GRM4: variants seen among roughly 807,000 people sequenced by gnomAD.
GRM4 encodes metabotropic glutamate receptor 4.
In GRM4, 28 loss-of-function variants were observed where a neutral mutation model predicts 81.7. The ratio of observed to expected loss-of-function variants is 0.34; its 90% confidence interval spans 0.25 to 0.47. The LOEUF (loss-of-function observed/expected upper bound fraction) is 0.47, where lower values mean the gene tolerates loss of function less well. GRM4 is among the 20% of genes least tolerant of loss of function. GRM4 has a pLI of 1.00. For synonymous variants in GRM4, 488 were observed against 528.8 expected (o/e 0.92, Z 1.06); for missense variants, 948 against 1,290.0 (o/e 0.73, Z 4.06).
chr6:34,050,651 TAGC>T lies in GRM4; in HGVS notation c.1168+5890_1168+5892del, dbSNP rs139508317. 1.0e-3 allele frequency among the ~76,000 whole-genome samples: 155 copies of T among 152,332 alleles called. 2 individuals carry two copies. In the East Asian group the frequency reaches 0.022, roughly 21 times the overall value. ...TTCCTTTATAGCAGTGCAAACAGAC[TAGC>T]ACACACCTTCTCACTGAGAACTTCT... On this transcript the variant is annotated intron_variant, in intron 6 of 10. Coordinates refer to ENST00000538487, the MANE Select transcript of GRM4 (RefSeq NM_000841.4).
chr6:34,142,519 T>G (rs947166867), intron 1 of GRM4, among the ~76,000 whole-genome samples: 6 of 152,164 alleles, frequency 3.9e-5, no homozygotes, highest in African/African-American at 1.4e-4. Context: ...TGGGTTCTGC[T>G]CCCATCTTTT....
chr6:34,149,263 A>G (rs1771000653), upstream of GRM4, among the ~76,000 whole-genome samples: 1 of 152,246 alleles, frequency 6.6e-6, no homozygotes, highest in Admixed American at 6.5e-5. Context: ...GAGCAGACCC[A>G]GAACACCTGA....
chr6:34,075,530 G>A (rs1026219211), intron 3 of GRM4, among the ~76,000 whole-genome samples: 4 of 152,112 alleles, frequency 2.6e-5, no homozygotes, highest in Admixed American at 6.5e-5. Context: ...GAAGCTCATC[G>A]TGCCCGTCTG....
chr6:34,148,798 G>A (rs1455734799), upstream of GRM4, among the ~76,000 whole-genome samples: 1 of 152,204 alleles, frequency 6.6e-6, no homozygotes, highest in Non-Finnish European at 1.5e-5. Flanking sequence ...GTCTCCCTAA[G>A]GATGCTGGGA....
chr6:34,155,100 G>A (rs1771122804), exon 1 of GRM4: 1 of 1,526,522 alleles, frequency 6.6e-7, no homozygotes, highest in Non-Finnish European at 8.8e-7. Context: ...CCGGAAGGAG[G>A]CAGCGGGGGC....
exon 1 of GRM4, chr6:34,155,178 G>C: frequency 6.5e-7 from 1 of 1,535,492 alleles, no homozygotes; most frequent in Non-Finnish European, 8.7e-7. Context: ...GCGCGGCCAG[G>C]CTCACCTGCT....
Position 34,036,207 on chromosome 6 carries a change from G to T in GRM4, c.1903C>A (p.Leu635Met). The part of the protein sequence containing the change: ...LSYVLLAGIF[L>M]CYATTFLMIA... The stretch of plus-strand genomic sequence containing the variant: ...ATGAGGAAGGTGGTGGCATAGCACA[G>T]GAAGATGCCTGCCAGCAGCACGTAG... Residue 635 changes from leucine (L) to methionine (M), a missense_variant, in exon 9 of 11, where the codon CTG becomes ATG. Leu to Met is a conservative substitution (Grantham distance 15). Coordinates refer to ENST00000538487, the MANE Select transcript of GRM4 (RefSeq NM_000841.4). This position sits in a 1 kb window ranked among gnomAD's most constrained non-coding sequence, Gnocchi z 9.0. 1 of 1,614,188 alleles carries T rather than the reference G, an allele frequency of 6.2e-7. No homozygotes were observed. Among genetic ancestry groups the T allele is most frequent in the Non-Finnish European group, 8.5e-7 (1 of 1,180,008 alleles).
intron 2 of GRM4, among the ~76,000 whole-genome samples, chr6:34,094,440 G>A (rs1768404566): frequency 6.6e-6 from 1 of 152,168 alleles, no homozygotes. Context: ...AGAACACTTG[G>A]CATAAAAACA....
chr6:34,059,427 T>C lies in GRM4; in HGVS notation c.873-299A>G. 2.4e-4 allele frequency: 83 copies of C among 338,994 alleles called. No homozygotes were observed. The highest frequency in any genetic ancestry group is 1.1e-3 in the South Asian group (24 of 21,580). 21.0% of individuals were successfully genotyped at this position (338,994 alleles called of 1,614,324 possible). A position where few individuals can be genotyped will look rare whatever the true frequency, so the allele number is the denominator to read the frequency against. On this transcript the variant is annotated intron_variant, in intron 4 of 10. Transcript: ENST00000538487. This position sits in a 1 kb window ranked among gnomAD's most constrained non-coding sequence, Gnocchi z 5.7. ...CCCTGCAAAGACCACACCTCTCCCC[T>C]CCAGATCCACACCCGCCCCACGTCT...
intron 1 of GRM4, among the ~76,000 whole-genome samples, chr6:34,142,077 T>C (rs1462367427): frequency 6.6e-6 from 1 of 152,156 alleles, no homozygotes; most frequent in Non-Finnish European, 1.5e-5. Context: ...CTTAAGAAAA[T>C]GAGCCCTCTC....
chr6:34,110,460 C>T (rs1287030066), intron 2 of GRM4, among the ~76,000 whole-genome samples: 2 of 151,832 alleles, frequency 1.3e-5, no homozygotes, highest in African/African-American at 2.4e-5. Flanking sequence ...TGGCCTCCAC[C>T]GAGCACCCTA....
Position 34,133,543 on chromosome 6 carries a change from C to T in GRM4, c.-47G>A. 1 of 1,507,170 alleles carries T rather than the reference C, an allele frequency of 6.6e-7. No individual in the cohort carries two copies. Among genetic ancestry groups the T allele is most frequent in the Non-Finnish European group, 8.8e-7 (1 of 1,134,024 alleles). 93.4% of individuals were successfully genotyped at this position (1,507,170 alleles called of 1,614,324 possible). ...ATGAACGGCAGGCCCACTCCTAGCC[C>T]TGGCAGGCCCCTGGCCCCACGGCCT... On this transcript the variant is annotated 5_prime_UTR_variant, in exon 2 of 11. Transcript: ENST00000538487. This position sits in a 1 kb window ranked among gnomAD's most constrained non-coding sequence, Gnocchi z 6.5.
At chr6:34,046,723 C>T (rs191374823) in intron 6 of GRM4, among the ~76,000 whole-genome samples, 208 of 152,302 alleles carry the variant, frequency 1.4e-3, no homozygotes, top group African/African-American at 4.4e-3. Context: ...ATCTGCTAAA[C>T]ATGCACTCAT....
intron 3 of GRM4, among the ~76,000 whole-genome samples, chr6:34,088,856 G>T (rs1310162914): frequency 6.6e-6 from 1 of 152,226 alleles, no homozygotes; most frequent in Non-Finnish European, 1.5e-5. Context: ...ATTGCCCAGA[G>T]CATGTGTAGA....
At position 34,092,950 on chromosome 6, in the gene GRM4, G is replaced by T. The variant is rs918618329; in HGVS notation, c.520-851C>A. On this transcript the variant is annotated intron_variant, in intron 2 of 10. Transcript: ENST00000538487. The surrounding 1 kb of genome is among the most constrained non-coding windows in gnomAD (Gnocchi z 6.8). ...CCTCCTCTCCGCCCCTCCCCTCCAG[G>T]GCGCCACCCACTGCTCTGCTCTCCC... Among the ~76,000 whole-genome samples the T allele has an allele frequency of 6.6e-6, 1 of 152,040 alleles. No individual in the cohort carries two copies. Among genetic ancestry groups the T allele is most frequent in the African/African-American group, 2.4e-5 (1 of 41,400 alleles).
In GRM4 at chr6:34,064,051, C is replaced by G. The variant is rs369321280; in HGVS notation, c.737-2023G>C. On this transcript the variant is annotated intron_variant, in intron 3 of 10. Transcript: ENST00000538487. The surrounding 1 kb of genome is among the most constrained non-coding windows in gnomAD (Gnocchi z 4.4). ...GCCTGGCACCTCAGGGCATATCTTG[C>G]AAGCTTCGTTTTGCTGGTGAAGGAA... is the stretch of plus-strand genomic sequence containing the variant. 6.6e-6 allele frequency among the ~76,000 whole-genome samples: 1 copy of G among 152,276 alleles called. No individual in the cohort carries two copies. Among genetic ancestry groups the G allele is most frequent in the Middle Eastern group, 3.4e-3 (1 of 294 alleles).
In GRM4 at chr6:34,040,299, G is replaced by A; in HGVS notation, c.1385C>T (p.Pro462Leu). 6.2e-7 allele frequency: 1 copy of A among 1,614,192 alleles called. No individual in the cohort carries two copies. The highest frequency in any genetic ancestry group is 8.5e-7 in the Non-Finnish European group (1 of 1,180,030). The change falls in exon 8 of 11, where the codon CCT becomes CTT. Residue 462 changes from proline to leucine, a missense_variant. Pro to Leu is a moderately conservative substitution (Grantham distance 98). Transcript: ENST00000538487. ...NVNFSGIAGN[P>L]VTFNENGDAP... Reference sequence around the variant, plus strand: ...ATCTCCATTCTCATTGAAGGTCACAGGGTTCCCTGCGATGCCTGTAAGGGT... The same window carrying A: ...ATCTCCATTCTCATTGAAGGTCACAAGGTTCCCTGCGATGCCTGTAAGGGT...
chr6:34,095,283 G>T (rs543112970), intron 2 of GRM4, among the ~76,000 whole-genome samples: 10 of 152,152 alleles, frequency 6.6e-5, no homozygotes, highest in Non-Finnish European at 1.3e-4. Context: ...CCAGCCTCCT[G>T]CGATGTGTCC....
Position 34,133,217 on chromosome 6 carries a change from C to T in GRM4, c.280G>A (p.Asp94Asn). 6.2e-7 allele frequency: 1 copy of T among 1,614,160 alleles called. No individual in the cohort carries two copies. The highest frequency in any genetic ancestry group is 8.5e-7 in the Non-Finnish European group (1 of 1,179,986). Residue 94 changes from aspartate to asparagine, a missense_variant, in exon 2 of 11, where the codon GAC becomes AAC. Transcript: ENST00000538487. This position sits in a 1 kb window ranked among gnomAD's most constrained non-coding sequence, Gnocchi z 6.5. The part of the protein sequence containing the change: ...FALDRINNDP[D>N]LLPNITLGAR... ...CCCAGCGTGATGTTAGGCAGCAGGTCCGGGTCGTTGTTGATGCGATCCAGG... is the reference window on the plus strand; with the variant it reads ...CCCAGCGTGATGTTAGGCAGCAGGTTCGGGTCGTTGTTGATGCGATCCAGG...
Sources: gnomAD v4.1 joint callset for allele counts (sites outside exome capture counted in the v4.1 genomes callset) on GRCh38, gnomAD v4.1.1 for gene constraint, Gnocchi (gnomAD v3.1) non-coding constraint, MANE v1.5 for transcripts, NCBI Gene and HGNC (gene_info 2026-07-23, HGNC 2026-07-21) for gene names.